The following TGFBI variants were observed in gnomAD, a reference collection of about 807,000 sequenced individuals.
TGFBI encodes transforming growth factor-beta-induced protein ig-h3.
Under a neutral mutation model 73.7 loss-of-function variants are expected in TGFBI, and 50 were observed. The ratio of observed to expected loss-of-function variants is 0.68; its 90% CI spans 0.54 to 0.86. TGFBI has a LOEUF of 0.86. Ranked by LOEUF, TGFBI falls within the 40% of genes least tolerant of loss-of-function variation. TGFBI has a pLI of 0.00. For missense variants in TGFBI, 839 were observed against 877.0 expected, an observed-to-expected ratio of 0.96 and a Z score of 0.55; for synonymous variants, 362 against 360.5, an observed-to-expected ratio of 1.00 and a Z score of -0.05.
At chr5:136,063,070 C>A in intron 16 of TGFBI, 116 bp from the exon 17 acceptor site, 1 of 899,850 alleles carries the variant, frequency 1.1e-6, no homozygotes. Context: ...CTGCTATGTG[C>A]AGGAGAGCAT....
At chr5:136,053,767 T>C (rs897736082) in intron 8 of TGFBI, among the ~76,000 whole-genome samples, 176 bp from the exon 9 acceptor site, 1 of 152,116 alleles carries the variant, frequency 6.6e-6, no homozygotes, top group Admixed American at 6.6e-5. Flanking sequence ...ACTGGTTAGA[T>C]TTTCTAGGTG....
Position 136,046,362 on chromosome 5 carries a change from C to T in TGFBI, c.326C>T (p.Thr109Ile), listed in dbSNP as rs750523055. 12 of 1,613,972 alleles carry T rather than the reference C, an allele frequency of 7.4e-6. No homozygotes were observed. Among genetic ancestry groups the T allele is most frequent in the Non-Finnish European group, 1.0e-5 (12 of 1,179,878 alleles). ...AALPLSNLYE[T>I]LGVVGSTTTQ... ...CTACCACTCTCAAACCTTTACGAGA[C>T]CCTGGGAGTCGTTGGATCCACCACC... Residue 109 changes from threonine to isoleucine, a missense_variant, in exon 4 of 17, where the codon ACC (threonine) becomes ATC (isoleucine). Coordinates refer to ENST00000442011, the MANE Select transcript of TGFBI (RefSeq NM_000358.3).
rs3749785 is a variant in TGFBI at position 136,046,834 on chromosome 5, C to T, written c.460-17C>T. The T allele has an allele frequency of 9.0e-3, 14,464 of 1,608,898 alleles. 656 individuals carry two copies. The African/African-American group carries it at 0.12, about 13-fold the overall frequency. On this transcript the variant is annotated splice_polypyrimidine_tract_variant and intron_variant, in intron 4 of 16. Transcript: ENST00000442011. ...AGAGTCTGCAGCCCCTAACTGACACCCTGTCCTTCCTCCTAGGAAGTGCTG... is the reference window on the plus strand; with the variant it reads ...AGAGTCTGCAGCCCCTAACTGACACTCTGTCCTTCCTCCTAGGAAGTGCTG...
intron 10 of TGFBI, 59 bp downstream of exon 10, chr5:136,054,920 A>C: frequency 6.4e-7 from 1 of 1,565,334 alleles, no homozygotes. Flanking sequence ...GACTTGTATT[A>C]GTGTAAAAAA....
At chr5:136,030,634 A>T (rs1021204255) in intron 1 of TGFBI, among the ~76,000 whole-genome samples, 24 of 152,162 alleles carry the variant, frequency 1.6e-4, no homozygotes, top group African/African-American at 5.6e-4. Context: ...TGTCAGAAAG[A>T]TGAGAGGGAT....
intron 3 of TGFBI, among the ~76,000 whole-genome samples, chr5:136,045,285 G>A (rs1281708639): frequency 2.6e-5 from 4 of 152,100 alleles, no homozygotes; most frequent in African/African-American, 9.7e-5. Context: ...GCTCACGCCT[G>A]TAATCCTAGC....
At chr5:136,043,611 A>G (rs1432216596) in intron 2 of TGFBI, among the ~76,000 whole-genome samples, 1 of 152,198 alleles carries the variant, frequency 6.6e-6, no homozygotes, top group Non-Finnish European at 1.5e-5. Flanking sequence ...AGACCCAGAG[A>G]GATGATGAAA....
chr5:136,057,419 G>T (rs1158833429), intron 12 of TGFBI, among the ~76,000 whole-genome samples: 1 of 152,140 alleles, frequency 6.6e-6, no homozygotes, highest in East Asian at 1.9e-4. Context: ...AGATCTAGTT[G>T]AGGATGTTTG....
chr5:136,042,279 A>G (rs1374057223), intron 2 of TGFBI, among the ~76,000 whole-genome samples: 1 of 152,212 alleles, frequency 6.6e-6, no homozygotes, highest in Non-Finnish European at 1.5e-5. Flanking sequence ...AGAAATATGG[A>G]CTAGAATCGT....
At chr5:136,036,618 G>C (rs1165991264) in intron 2 of TGFBI, among the ~76,000 whole-genome samples, 1 of 152,184 alleles carries the variant, frequency 6.6e-6, no homozygotes, top group Non-Finnish European at 1.5e-5. Flanking sequence ...CATACGGTCA[G>C]AATTCAGTGC....
At chr5:136,055,633 G>T (rs548966276) in intron 10 of TGFBI, 47 bp from the exon 11 acceptor site, 1 of 1,499,016 alleles carries the variant, frequency 6.7e-7, no homozygotes, top group Non-Finnish European at 9.0e-7. Flanking sequence ...GAGGCCCCTC[G>T]TGGAAGTATA....
intron 7 of TGFBI, 107 bp downstream of exon 7, chr5:136,049,687 A>G: frequency 7.3e-7 from 1 of 1,374,832 alleles, no homozygotes; most frequent in Non-Finnish European, 9.9e-7. Flanking sequence ...GGTGACCCTC[A>G]GGATATCCAC....
At chr5:136,033,947 C>A in intron 2 of TGFBI, 86 bp downstream of exon 2, 1 of 1,156,388 alleles carries the variant, frequency 8.6e-7, no homozygotes, top group South Asian at 1.3e-5. Context: ...TCTAGAAGGT[C>A]AGGTTGCCTA....
chr5:136,042,481 A>G (rs1751356649), intron 2 of TGFBI, among the ~76,000 whole-genome samples: 1 of 152,206 alleles, frequency 6.6e-6, no homozygotes, highest in African/African-American at 2.4e-5. Flanking sequence ...AAGTGTGTCA[A>G]TCAAATCTTA....
chr5:136,050,838 C>T (rs148504525), intron 7 of TGFBI, among the ~76,000 whole-genome samples: 3 of 152,270 alleles, frequency 2.0e-5, no homozygotes, highest in African/African-American at 4.8e-5. Flanking sequence ...GGATTTGTTC[C>T]GTGTCCAGGT....
chr5:136,029,433 C>CAG (rs1262362635), intron 1 of TGFBI, among the ~76,000 whole-genome samples: 1 of 152,150 alleles, frequency 6.6e-6, no homozygotes, highest in Non-Finnish European at 1.5e-5. Flanking sequence ...GGAAGTGGAC[C>CAG]AGAGACTTTC....
chr5:136,058,942 C>A, intron 12 of TGFBI, 148 bp from the exon 13 acceptor site: 2 of 948,664 alleles, frequency 2.1e-6, no homozygotes, highest in African/African-American at 1.7e-5. Context: ...GTTGAGTATA[C>A]AGTGGGAGCT....
intron 1 of TGFBI, among the ~76,000 whole-genome samples, chr5:136,029,765 G>A (rs572594787): frequency 6.6e-6 from 1 of 152,314 alleles, no homozygotes; most frequent in African/African-American, 2.4e-5. Context: ...TGTCCTGCCC[G>A]ATGAAGAGCA....
intron 3 of TGFBI, 135 bp from the exon 4 acceptor site, chr5:136,046,200 C>A: frequency 2.9e-6 from 3 of 1,020,348 alleles, no homozygotes; most frequent in Non-Finnish European, 4.2e-6. Flanking sequence ...CAGAAACAGC[C>A]TGTCTTTGGG....
Sources: allele counts gnomAD v4.1 joint callset (sites outside exome capture counted in the v4.1 genomes callset), GRCh38; gene constraint gnomAD v4.1.1; transcripts MANE v1.5; gene names NCBI Gene and HGNC (gene_info 2026-07-23, HGNC 2026-07-21).